Variants in FBXO25 observed in about 807,000 individuals in gnomAD.
FBXO25 encodes the protein F-box only protein 25.
A neutral mutation model predicts 51.9 loss-of-function variants in FBXO25; 45 were observed. The ratio of observed to expected loss-of-function variants is 0.87; its 90% CI spans 0.68 to 1.11. FBXO25 has a LOEUF of 1.11. Ranked by LOEUF, FBXO25 falls within the 50% of genes most tolerant of loss-of-function variation. The pLI is 0.00. For missense variants in FBXO25, 507 were observed against 428.5 expected, an observed-to-expected ratio of 1.18 and a Z score of -1.62; for synonymous variants, 199 against 151.0, an observed-to-expected ratio of 1.32 and a Z score of -2.33.
intron 5 of FBXO25, among the ~76,000 whole-genome samples, chr8:439,978 T>A (rs1798328981): frequency 6.6e-6 from 1 of 152,182 alleles, no homozygotes; most frequent in South Asian, 2.1e-4. Flanking sequence ...TTTTTCAAAT[T>A]TTTTCATAAT....
chr8:458,969 G>C (rs1453815450), intron 8 of FBXO25, among the ~76,000 whole-genome samples: 1 of 152,178 alleles, frequency 6.6e-6, no homozygotes, highest in Non-Finnish European at 1.5e-5. Flanking sequence ...TGCCGCTCCT[G>C]AGTGTCCACA....
intron 2 of FBXO25, among the ~76,000 whole-genome samples, chr8:426,832 C>G (rs539034394): frequency 6.6e-6 from 1 of 152,080 alleles, no homozygotes; most frequent in Non-Finnish European, 1.5e-5. Context: ...GCTCTTGTCG[C>G]CCTCTGCTCT....
At chr8:464,238 G>A (rs1800004273) in intron 9 of FBXO25, among the ~76,000 whole-genome samples, 1 of 152,186 alleles carries the variant, frequency 6.6e-6, no homozygotes, top group Non-Finnish European at 1.5e-5. Context: ...TTACAGGCGT[G>A]AGCCATGGCA....
At chr8:414,294 A>G (rs1186421526) in intron 2 of FBXO25, among the ~76,000 whole-genome samples, 1 of 152,182 alleles carries the variant, frequency 6.6e-6, no homozygotes, top group Non-Finnish European at 1.5e-5. Flanking sequence ...ATAATGTTAT[A>G]CAGTTATGAA....
intron 4 of FBXO25, among the ~76,000 whole-genome samples, chr8:433,361 A>T (rs1797926474): frequency 6.6e-6 from 1 of 151,792 alleles, no homozygotes; most frequent in African/African-American, 2.4e-5. Context: ...CCAAGCATGG[A>T]CTCCTGCAGT....
At chr8:467,937 G>C in intron 9 of FBXO25, 1 of 1,428,242 alleles carries the variant, frequency 7.0e-7, no homozygotes, top group Middle Eastern at 2.2e-4. Context: ...GAGTGTTGAT[G>C]AAATATTTTG....
chr8:411,069 C>G (rs1796458842), intron 1 of FBXO25, among the ~76,000 whole-genome samples: 1 of 151,844 alleles, frequency 6.6e-6, no homozygotes, highest in Non-Finnish European at 1.5e-5. Context: ...TGGAGATGTT[C>G]ATCTCTCATT....
intron 2 of FBXO25, among the ~76,000 whole-genome samples, chr8:420,125 G>A (rs1412616353): frequency 2.0e-5 from 3 of 152,114 alleles, no homozygotes; most frequent in Admixed American, 2.0e-4. Context: ...GGTACCATTT[G>A]GGGCAAGCAG....
intron 9 of FBXO25, among the ~76,000 whole-genome samples, chr8:467,476 A>G (rs567041091): frequency 4.7e-4 from 71 of 152,350 alleles, no homozygotes; most frequent in African/African-American, 1.6e-3. Context: ...AGGTAGAGAT[A>G]TGTTGTCTTA....
At chr8:459,336 C>T (rs1419406253) in intron 8 of FBXO25, among the ~76,000 whole-genome samples, 1 of 152,216 alleles carries the variant, frequency 6.6e-6, no homozygotes, top group Non-Finnish European at 1.5e-5. Context: ...CCTTGGAATG[C>T]AGGGCAGTCG....
chr8:409,239 A>G (rs749931693), intron 1 of FBXO25, among the ~76,000 whole-genome samples: 1 of 152,218 alleles, frequency 6.6e-6, no homozygotes, highest in Non-Finnish European at 1.5e-5. Context: ...TGAGCTGTAT[A>G]GATTATGCTT....
At chr8:421,734 G>A (rs780173280) in intron 2 of FBXO25, among the ~76,000 whole-genome samples, 1 of 152,150 alleles carries the variant, frequency 6.6e-6, no homozygotes, top group Non-Finnish European at 1.5e-5. Context: ...AGCCTGAGAT[G>A]GTGGATCCTA....
chr8:423,096 CTG>C (rs1797252416), intron 2 of FBXO25, among the ~76,000 whole-genome samples: 1 of 151,716 alleles, frequency 6.6e-6, no homozygotes, highest in African/African-American at 2.4e-5. Context: ...CCCTTCCCTG[CTG>C]TGTTGAGATA....
intron 5 of FBXO25, among the ~76,000 whole-genome samples, chr8:449,494 ATTTAACAATGAGTTTTGGTG>A (rs1798943452): frequency 1.3e-5 from 2 of 152,374 alleles, no homozygotes; most frequent in South Asian, 2.1e-4. Flanking sequence ...ACAAAATGGT[ATTTAACAATGAGTTTTGGTG>A]TTGTGTTTCC....
At chr8:453,906 C>G (rs997780665) in intron 7 of FBXO25, among the ~76,000 whole-genome samples, 7 of 152,090 alleles carry the variant, frequency 4.6e-5, no homozygotes. Context: ...GGTGGATCAC[C>G]TGAGGTCAGG....
intron 2 of FBXO25, among the ~76,000 whole-genome samples, chr8:423,877 C>T (rs1435879135): frequency 6.6e-6 from 1 of 152,150 alleles, no homozygotes; most frequent in Non-Finnish European, 1.5e-5. Context: ...AGACCACTTC[C>T]CACAATGGCT....
At chr8:430,854 A>G (rs963146900) in intron 2 of FBXO25, among the ~76,000 whole-genome samples, 1 of 152,200 alleles carries the variant, frequency 6.6e-6, no homozygotes, top group Non-Finnish European at 1.5e-5. Context: ...ATGTGTTAAC[A>G]GTGTATTTGG....
chr8:420,914 G>A (rs1456134726), intron 2 of FBXO25, among the ~76,000 whole-genome samples: 1 of 152,220 alleles, frequency 6.6e-6, no homozygotes, highest in Non-Finnish European at 1.5e-5. Flanking sequence ...CAACATAGAT[G>A]TTTGTGTATG....
chr8:467,310 G>C (rs7832441), intron 9 of FBXO25, among the ~76,000 whole-genome samples: 1,944 of 152,238 alleles, frequency 0.013, 35 homozygotes, highest in African/African-American at 0.043. Context: ...CAGAGCCTTC[G>C]GATGTTAAAT....
Sources: allele counts gnomAD v4.1 joint callset (sites outside exome capture counted in the v4.1 genomes callset), GRCh38; gene constraint gnomAD v4.1.1; transcripts MANE v1.5; gene names NCBI Gene and HGNC (gene_info 2026-07-23, HGNC 2026-07-21).